Variants in SLIT2 observed in about 807,000 individuals in gnomAD.
The protein encoded by SLIT2 is slit homolog 2 protein.
Under a neutral mutation model 185.7 loss-of-function variants are expected in SLIT2, and 41 were observed. The ratio of observed to expected loss-of-function variants is 0.22; its 90% CI spans 0.17 to 0.29. The LOEUF (loss-of-function observed/expected upper bound fraction) is 0.29, where lower values mean the gene tolerates loss of function less well. SLIT2 is among the 10% of genes least tolerant of loss of function. SLIT2 has a pLI of 1.00. For synonymous variants in SLIT2, 693 were observed against 680.2 expected (o/e 1.02, Z -0.29); for missense variants, 1,571 against 1,909.0 (o/e 0.82, Z 3.30).
intron 33 of SLIT2, among the ~76,000 whole-genome samples, chr4:20,603,005 A>G (rs1728521586): frequency 6.6e-6 from 1 of 152,204 alleles, no homozygotes; most frequent in Admixed American, 6.5e-5. Context: ...CACTTAGAGA[A>G]TAGCATAAAG....
At chr4:20,331,356 A>G (rs1273588798) in intron 4 of SLIT2, among the ~76,000 whole-genome samples, 2 of 152,136 alleles carry the variant, frequency 1.3e-5, no homozygotes, top group African/African-American at 2.4e-5. Flanking sequence ...AAGAAGTGTT[A>G]TTGATTGATC....
intron 25 of SLIT2, 72 bp from the exon 26 acceptor site, chr4:20,553,733 A>AC: frequency 6.9e-6 from 8 of 1,160,232 alleles, no homozygotes; most frequent in Non-Finnish European, 9.0e-6. Flanking sequence ...ATACTTCCAT[A>AC]CTTGTGTGTG....
chr4:20,297,052 C>G (rs1716552325), intron 4 of SLIT2, among the ~76,000 whole-genome samples: 1 of 152,130 alleles, frequency 6.6e-6, no homozygotes, highest in Admixed American at 6.5e-5. Flanking sequence ...GCCATTTTTT[C>G]CCGTTTTGAA....
At chr4:20,283,012 A>G (rs572040479) in intron 4 of SLIT2, among the ~76,000 whole-genome samples, 2 of 152,192 alleles carry the variant, frequency 1.3e-5, no homozygotes, top group African/African-American at 4.8e-5. Context: ...GCCTTGAGAA[A>G]TAGAAGAACT....
At chr4:20,499,431 T>A (rs1718507594) in intron 9 of SLIT2, among the ~76,000 whole-genome samples, 1 of 152,214 alleles carries the variant, frequency 6.6e-6, no homozygotes, top group African/African-American at 2.4e-5. Context: ...ATCCTTAATT[T>A]ATTAAATAAT....
At chr4:20,583,409 A>C (rs554166810) in intron 29 of SLIT2, among the ~76,000 whole-genome samples, 1 of 152,340 alleles carries the variant, frequency 6.6e-6, no homozygotes, top group African/African-American at 2.4e-5. Context: ...TATTTCAGTA[A>C]GTATGGTAAC....
chr4:20,318,517 C>T (rs991334486), intron 4 of SLIT2, among the ~76,000 whole-genome samples: 8 of 152,136 alleles, frequency 5.3e-5, no homozygotes, highest in African/African-American at 1.4e-4. Context: ...CTTTCCAGTC[C>T]AAAATTCCCC....
intron 9 of SLIT2, among the ~76,000 whole-genome samples, chr4:20,495,821 C>T (rs540105190): frequency 6.6e-6 from 1 of 152,190 alleles, no homozygotes; most frequent in African/African-American, 2.4e-5. Context: ...CATTTTCATT[C>T]ATTATAGTGG....
In SLIT2 at chr4:20,566,297, G is replaced by C. The variant is rs142140554; in HGVS notation, c.2726-965G>C. 2.2e-4 allele frequency among the ~76,000 whole-genome samples: 34 copies of C among 152,162 alleles called. 1 individual carries two copies. Among genetic ancestry groups the C allele is most frequent in the African/African-American group, 8.2e-4 (34 of 41,536 alleles). On this transcript the variant is annotated intron_variant, in intron 26 of 36. Coordinates refer to ENST00000504154, the MANE Select transcript of SLIT2 (RefSeq NM_004787.4). Reference sequence around the variant, plus strand: ...GAGTGAAATATAATTAATGTTGACAGTAAGAAATGTATGTGTTTTATGTAT... The same window carrying C: ...GAGTGAAATATAATTAATGTTGACACTAAGAAATGTATGTGTTTTATGTAT...
At chr4:20,348,719 A>T (rs911371140) in intron 4 of SLIT2, among the ~76,000 whole-genome samples, 1 of 152,174 alleles carries the variant, frequency 6.6e-6, no homozygotes, top group Non-Finnish European at 1.5e-5. Context: ...GTGCTCTGTC[A>T]TTAAGAGTTC....
At chr4:20,264,209 T>C (rs1469852694) in intron 3 of SLIT2, among the ~76,000 whole-genome samples, 1 of 151,904 alleles carries the variant, frequency 6.6e-6, no homozygotes, top group Admixed American at 6.6e-5. Context: ...AATTTTAAAA[T>C]CTGTGCTTTA....
At chr4:20,527,412 G>A (rs575110662) in intron 15 of SLIT2, among the ~76,000 whole-genome samples, 21 of 151,996 alleles carry the variant, frequency 1.4e-4, no homozygotes, top group South Asian at 8.3e-4. Context: ...CAGCCTCACC[G>A]AGTAGCTGGG....
intron 11 of SLIT2, among the ~76,000 whole-genome samples, 190 bp downstream of exon 11, chr4:20,511,327 T>A (rs1719689933): frequency 6.6e-6 from 1 of 152,042 alleles, no homozygotes; most frequent in South Asian, 2.1e-4. Flanking sequence ...TCACTAAAAT[T>A]AGCCAATTTT....
chr4:20,522,619 G>A (rs895862674), intron 12 of SLIT2, among the ~76,000 whole-genome samples: 2 of 152,076 alleles, frequency 1.3e-5, no homozygotes, highest in African/African-American at 4.8e-5. Flanking sequence ...TCACATCACC[G>A]AGAATGATGT....
At chr4:20,517,075 A>C (rs1720279617) in intron 11 of SLIT2, among the ~76,000 whole-genome samples, 3 of 152,152 alleles carry the variant, frequency 2.0e-5, no homozygotes, top group Non-Finnish European at 2.9e-5. Flanking sequence ...CAACCTACTA[A>C]ATTGTCCACC....
intron 5 of SLIT2, among the ~76,000 whole-genome samples, chr4:20,480,206 G>T (rs1184042048): frequency 6.6e-6 from 1 of 152,106 alleles, no homozygotes; most frequent in Non-Finnish European, 1.5e-5. Context: ...TTCTCGATTT[G>T]GAGTCCTTGA....
rs375676704 is a variant in SLIT2 at position 20,472,552 on chromosome 4, A to C, written c.467+4729A>C. Among the ~76,000 whole-genome samples, 5 of 33,656 alleles carry C rather than the reference A, an allele frequency of 1.5e-4. 1 individual carries two copies. Among genetic ancestry groups the C allele is most frequent in the African/African-American group, 1.9e-4 (1 of 5,330 alleles). The allele number at this position is 33,656 out of a possible 152,430, so 22.1% of individuals were successfully genotyped here. A position where few individuals can be genotyped will look rare whatever the true frequency, so the allele number is the denominator to read the frequency against. On this transcript the variant is annotated intron_variant, in intron 5 of 36. Coordinates refer to ENST00000504154, the MANE Select transcript of SLIT2 (RefSeq NM_004787.4). The stretch of plus-strand genomic sequence containing the variant: ...TATATAGATATATCTATATCTATAT[A>C]TAGATATATATCTATATATAGATAT...
chr4:20,360,795 A>T (rs955432218), intron 4 of SLIT2, among the ~76,000 whole-genome samples: 2 of 152,142 alleles, frequency 1.3e-5, no homozygotes, highest in Admixed American at 6.6e-5. Context: ...ATTATTTTTT[A>T]AAAAATAGAT....
chr4:20,280,324 C>T (rs1167640000), intron 4 of SLIT2, among the ~76,000 whole-genome samples: 4 of 128,686 alleles, frequency 3.1e-5, no homozygotes, highest in African/African-American at 9.1e-5. Context: ...CAGAGCGAGA[C>T]TCTGTCTCAA....
Sources: allele counts gnomAD v4.1 joint callset (sites outside exome capture counted in the v4.1 genomes callset), GRCh38; gene constraint gnomAD v4.1.1; transcripts MANE v1.5; gene names NCBI Gene and HGNC (gene_info 2026-07-23, HGNC 2026-07-21).